Variants in COBL observed in about 807,000 individuals in gnomAD.
COBL encodes the protein protein cordon-bleu.
In COBL, 51 loss-of-function variants were observed where a neutral mutation model predicts 98.8. The observed-to-expected ratio is 0.52, with a 90% CI of 0.41 to 0.65. COBL has a LOEUF of 0.65. Among genes scored for constraint, COBL ranks in the 30% least tolerant of loss-of-function variants. The pLI is 0.00. For synonymous variants in COBL, 634 were observed against 651.7 expected (o/e 0.97, Z 0.41); for missense variants, 1,617 against 1,617.5 (o/e 1.00, Z 0.01).
rs183845803 is a variant in COBL, at chr7:51,054,782, G to A, written c.1097-11090C>T. On this transcript the variant is annotated intron_variant, in intron 7 of 12. Coordinates refer to ENST00000265136, the MANE Select transcript of COBL (RefSeq NM_015198.5). ...GCTACGCATTTACAATGATGTCCAC[G>A]ACAGAAAACCCAGCCTTTCAAGATG... 1.5e-3 allele frequency among the ~76,000 whole-genome samples: 232 copies of A among 152,302 alleles called. 4 individuals carry two copies. The highest frequency in any genetic ancestry group is 0.011 in the Admixed American group (170 of 15,306).
rs188997409 is a variant in COBL, at chr7:51,082,339, C to T, written c.1096+2827G>A. ...CTGAGACATACTGAAGCGGTCCAAGCGCAGGCCCGACGTGCCCATAATGCC... is the reference window on the plus strand; with the variant it reads ...CTGAGACATACTGAAGCGGTCCAAGTGCAGGCCCGACGTGCCCATAATGCC... On this transcript the variant is annotated intron_variant, in intron 7 of 12. Coordinates refer to ENST00000265136, the MANE Select transcript of COBL (RefSeq NM_015198.5). Among the ~76,000 whole-genome samples the T allele has an allele frequency of 8.9e-4, 135 of 152,210 alleles. 1 individual carries two copies. Among genetic ancestry groups the T allele is most frequent in the African/African-American group, 2.9e-3 (119 of 41,562 alleles).
At chr7:51,233,654 C>T (rs1156790733) in intron 1 of COBL, among the ~76,000 whole-genome samples, 1 of 152,196 alleles carries the variant, frequency 6.6e-6, no homozygotes, top group Non-Finnish European at 1.5e-5. Flanking sequence ...CTCCACACAG[C>T]GCATAACTGA....
intron 1 of COBL, among the ~76,000 whole-genome samples, chr7:51,311,615 G>A (rs535503876): frequency 2.6e-5 from 4 of 152,250 alleles, no homozygotes; most frequent in South Asian, 2.1e-4. Context: ...GAAAAGTGAC[G>A]TAGGCTTCCC....
intron 7 of COBL, among the ~76,000 whole-genome samples, chr7:51,081,574 C>T (rs1793670585): frequency 6.6e-6 from 1 of 152,180 alleles, no homozygotes; most frequent in Non-Finnish European, 1.5e-5. Context: ...GCAGATGCTG[C>T]ACCTGAACAG....
intron 1 of COBL, among the ~76,000 whole-genome samples, chr7:51,245,533 C>A (rs1348246796): frequency 6.6e-6 from 1 of 152,202 alleles, no homozygotes; most frequent in Non-Finnish European, 1.5e-5. Context: ...GTGAGCTCAA[C>A]AGGTATCTGT....
intron 1 of COBL, among the ~76,000 whole-genome samples, chr7:51,246,903 C>T (rs988969850): frequency 3.9e-5 from 6 of 152,086 alleles, no homozygotes; most frequent in African/African-American, 1.4e-4. Flanking sequence ...AGTGTGTTCC[C>T]AAAATAGCCT....
chr7:51,146,399 A>G (rs1785034442), intron 5 of COBL, among the ~76,000 whole-genome samples: 1 of 152,150 alleles, frequency 6.6e-6, no homozygotes, highest in Non-Finnish European at 1.5e-5. Context: ...AGGGGCTGCC[A>G]GGCATACTCA....
At chr7:51,143,336 G>T (rs1784733943) in intron 5 of COBL, among the ~76,000 whole-genome samples, 1 of 152,104 alleles carries the variant, frequency 6.6e-6, no homozygotes, top group Non-Finnish European at 1.5e-5. Context: ...TAATGAAAAA[G>T]GGAAGGTTTT....
At chr7:51,267,310 G>C (rs1016601308) in intron 1 of COBL, among the ~76,000 whole-genome samples, 1 of 152,152 alleles carries the variant, frequency 6.6e-6, no homozygotes, top group Non-Finnish European at 1.5e-5. Context: ...CCTGAGGAGT[G>C]TCAGGCCTTC....
chr7:51,234,979 T>C (rs1272474703), intron 1 of COBL, among the ~76,000 whole-genome samples: 1 of 152,074 alleles, frequency 6.6e-6, no homozygotes, highest in Non-Finnish European at 1.5e-5. Flanking sequence ...ACTTTATCTC[T>C]GAGGCTATTC....
At position 51,043,494 on chromosome 7, in the gene COBL, C is replaced by A; in HGVS notation, c.1295G>T (p.Trp432Leu). 2 of 1,614,210 alleles carry A rather than the reference C, an allele frequency of 1.2e-6. No homozygotes were observed. Among genetic ancestry groups the A allele is most frequent in the East Asian group, 4.5e-5 (2 of 44,886 alleles). Residue 432 changes from tryptophan (W) to leucine (L), a missense_variant, in exon 8 of 13, where the codon TGG becomes TTG. By Grantham distance (61) the Trp-to-Leu change is moderately conservative. Coordinates refer to ENST00000265136, the MANE Select transcript of COBL (RefSeq NM_015198.5). ...ACTGCAGTCTTCCTGGTCTGTGGCC[C>A]ACTTGTCTTTGTATTTCATGCTGTC... is the stretch of plus-strand genomic sequence containing the variant. The part of the protein sequence containing the change: ...QQDSMKYKDK[W>L]ATDQEDCSDQ...
intron 1 of COBL, among the ~76,000 whole-genome samples, chr7:51,269,093 C>T (rs1040786367): frequency 4.6e-5 from 7 of 152,130 alleles, no homozygotes; most frequent in Non-Finnish European, 8.8e-5. Flanking sequence ...CTGCAGCAGG[C>T]TCTGTATAGC....
intron 1 of COBL, among the ~76,000 whole-genome samples, chr7:51,267,637 C>A (rs920900591): frequency 2.0e-5 from 3 of 152,092 alleles, no homozygotes; most frequent in African/African-American, 7.2e-5. Flanking sequence ...TACAGTAGCG[C>A]AATCTCAGCT....
Position 51,085,230 on chromosome 7 carries a change from T to C in COBL, c.1032A>G (p.Pro344=), listed in dbSNP as rs1279743996. The part of the protein sequence containing the change: ...RAPAPPPPQP[P]PPSPLIPNRT... ...GGTTGGGGATCAGGGGACTCGGTGGTGGTGGCTGTGGTGGAGGGGGAGCTG... is the reference window on the plus strand; with the variant it reads ...GGTTGGGGATCAGGGGACTCGGTGGCGGTGGCTGTGGTGGAGGGGGAGCTG... The change falls in exon 7 of 13, where the codon CCA becomes CCG. Residue 344 remains proline (P), a synonymous_variant. Transcript: ENST00000265136. The C allele has an allele frequency of 1.2e-6, 2 of 1,613,738 alleles. No homozygotes were observed. The highest frequency in any genetic ancestry group is 1.7e-5 in the Admixed American group (1 of 59,914).
intron 1 of COBL, among the ~76,000 whole-genome samples, chr7:51,270,822 TAAAAAAAAATCAAAACC>T (rs1370727208): frequency 6.7e-6 from 1 of 148,650 alleles, no homozygotes; most frequent in Non-Finnish European, 1.5e-5. Context: ...TTATTCGACT[TAAAAAAAAATCAAAACC>T]AAAAAAAAAC....
intron 7 of COBL, among the ~76,000 whole-genome samples, chr7:51,057,356 A>G (rs1303295979): frequency 6.6e-6 from 1 of 151,844 alleles, no homozygotes; most frequent in Non-Finnish European, 1.5e-5. Context: ...ACACACATAT[A>G]TTCAGTGCTG....
intron 2 of COBL, among the ~76,000 whole-genome samples, chr7:51,194,060 T>C (rs1790373661): frequency 6.6e-6 from 1 of 152,156 alleles, no homozygotes; most frequent in Non-Finnish European, 1.5e-5. Flanking sequence ...CAGGTATTAA[T>C]CCTAGTACCC....
intron 5 of COBL, among the ~76,000 whole-genome samples, chr7:51,142,686 G>A (rs1248467426): frequency 1.3e-5 from 2 of 152,146 alleles, no homozygotes; most frequent in Non-Finnish European, 2.9e-5. Context: ...GCCCGAGCTG[G>A]TATTTTATTT....
intron 5 of COBL, among the ~76,000 whole-genome samples, chr7:51,179,675 T>C (rs756094306): frequency 6.6e-6 from 1 of 152,188 alleles, no homozygotes; most frequent in Non-Finnish European, 1.5e-5. Context: ...TGCCAAAGCA[T>C]TGTATCTTCA....
Sources: allele counts gnomAD v4.1 joint callset (sites outside exome capture counted in the v4.1 genomes callset), GRCh38; gene constraint gnomAD v4.1.1; transcripts MANE v1.5; gene names NCBI Gene and HGNC (gene_info 2026-07-23, HGNC 2026-07-21).